SSBP3: variants seen among roughly 807,000 people sequenced by gnomAD.
The protein encoded by SSBP3 is single-stranded DNA-binding protein 3.
A neutral mutation model predicts 69.6 loss-of-function variants in SSBP3; 5 were observed. The observed-to-expected ratio is 0.07, with a 90% CI of 0.04 to 0.15. SSBP3 has a LOEUF of 0.15. Among genes scored for constraint, SSBP3 ranks in the 10% least tolerant of loss-of-function variants. The probability of loss-of-function intolerance (pLI) is 1.00; values close to 1 mark genes in which losing one functional copy is unlikely to be tolerated. For missense variants in SSBP3, 312 were observed against 534.0 expected (o/e 0.58, Z 4.10); for synonymous variants, 196 against 193.4 (o/e 1.01, Z -0.11).
chr1:54,294,909 G>A (rs1424088135), intron 4 of SSBP3, among the ~76,000 whole-genome samples: 6 of 152,012 alleles, frequency 3.9e-5, no homozygotes, highest in Admixed American at 6.6e-5. Context: ...ACCACCCTGC[G>A]ATACCTTCCT....
intron 5 of SSBP3, among the ~76,000 whole-genome samples, chr1:54,272,198 A>T (rs1436640448): frequency 2.0e-5 from 3 of 152,170 alleles, no homozygotes; most frequent in Non-Finnish European, 2.9e-5. Context: ...GAGTTAACTT[A>T]GGCAGAAACA....
intron 4 of SSBP3, among the ~76,000 whole-genome samples, chr1:54,379,642 G>C (rs766468524): frequency 1.3e-4 from 20 of 152,346 alleles, no homozygotes; most frequent in Non-Finnish European, 2.4e-4. Flanking sequence ...GGTGCGGCCA[G>C]GAGGCTGGCT....
chr1:54,227,639 G>A (rs1011074468), intron 17 of SSBP3, among the ~76,000 whole-genome samples: 5 of 152,078 alleles, frequency 3.3e-5, no homozygotes, highest in African/African-American at 9.7e-5. Flanking sequence ...GTGCAGTGGT[G>A]CGATCAAGGC....
At chr1:54,411,767 C>T (rs944829174) in intron 1 of SSBP3, among the ~76,000 whole-genome samples, 3 of 151,966 alleles carry the variant, frequency 2.0e-5, no homozygotes, top group Non-Finnish European at 4.4e-5. Context: ...TGGCGGGCGC[C>T]TGCAGTCCCA....
intron 4 of SSBP3, among the ~76,000 whole-genome samples, chr1:54,289,735 G>C (rs1266702354): frequency 2.6e-5 from 4 of 151,996 alleles, no homozygotes; most frequent in African/African-American, 9.7e-5. Context: ...ACCCTCCCTG[G>C]GCACAGGGCC....
Position 54,348,760 on chromosome 1 carries a change from T to A in SSBP3, c.276+53101A>T, listed in dbSNP as rs578217339. On this transcript the variant is annotated intron_variant, in intron 4 of 17. Transcript: ENST00000610401. ...CTCACTTCCCCACCATAGATACAGC[T>A]CAGATGGAGGCACCAATGTGCCTGG... Among the ~76,000 whole-genome samples, 92 of 152,144 alleles carry A rather than the reference T, an allele frequency of 6.0e-4. 1 individual carries two copies. Among genetic ancestry groups the A allele is most frequent in the African/African-American group, 2.0e-3 (82 of 41,514 alleles).
At chr1:54,231,191 C>A (rs1644373960) in intron 14 of SSBP3, among the ~76,000 whole-genome samples, 1 of 152,230 alleles carries the variant, frequency 6.6e-6, no homozygotes, top group Admixed American at 6.5e-5. Flanking sequence ...TGCTTCCACA[C>A]CCTCGCCAAC....
At chr1:54,269,696 A>ATCT (rs1360474530) in intron 5 of SSBP3, among the ~76,000 whole-genome samples, 4 of 152,246 alleles carry the variant, frequency 2.6e-5, no homozygotes, top group African/African-American at 9.6e-5. Flanking sequence ...GCTGCAGCCT[A>ATCT]TAGAACAATC....
At chr1:54,411,978 C>CCTCACCAGA (rs1650006276) in intron 1 of SSBP3, among the ~76,000 whole-genome samples, 1 of 152,112 alleles carries the variant, frequency 6.6e-6, no homozygotes, top group South Asian at 2.1e-4. Context: ...CCCAACTCCA[C>CCTCACCAGA]CTCACCAGAC....
At chr1:54,230,494 G>T (rs1644362486) in intron 14 of SSBP3, among the ~76,000 whole-genome samples, 1 of 152,064 alleles carries the variant, frequency 6.6e-6, no homozygotes, top group Non-Finnish European at 1.5e-5. Flanking sequence ...ACATATTATT[G>T]TATACTTTCT....
intron 4 of SSBP3, among the ~76,000 whole-genome samples, chr1:54,372,111 G>A (rs931455696): frequency 7.2e-5 from 11 of 152,274 alleles, no homozygotes; most frequent in African/African-American, 9.6e-5. Context: ...CTGGTCTCCC[G>A]AGCCTGACTC....
At chr1:54,259,899 C>T (rs879696546) in intron 5 of SSBP3, among the ~76,000 whole-genome samples, 8 of 152,244 alleles carry the variant, frequency 5.3e-5, no homozygotes, top group South Asian at 2.1e-4. Context: ...CTGCCAGCAA[C>T]GGCATGGTTT....
chr1:54,229,051 G>A (rs1644336709), intron 14 of SSBP3, among the ~76,000 whole-genome samples: 2 of 152,324 alleles, frequency 1.3e-5, no homozygotes, highest in Non-Finnish European at 2.9e-5. Flanking sequence ...CCAGGTGAGG[G>A]AGAGGGACTG....
intron 5 of SSBP3, among the ~76,000 whole-genome samples, chr1:54,277,381 C>A (rs1361251686): frequency 6.6e-6 from 1 of 152,168 alleles, no homozygotes; most frequent in Non-Finnish European, 1.5e-5. Context: ...CTTTCGGTCT[C>A]TCCCTCCTTT....
At position 54,272,491 on chromosome 1, in the gene SSBP3, A is replaced by G. The variant is rs965400841; in HGVS notation, c.366+8947T>C. Reference sequence around the variant, plus strand: ...CTAAGGAATTTGACCTTTTTTTTAAAAAAAAAAAAAGGGAGAAAAACCTCA... The same window carrying G: ...CTAAGGAATTTGACCTTTTTTTTAAGAAAAAAAAAAGGGAGAAAAACCTCA... On this transcript the variant is annotated intron_variant, in intron 5 of 17. Transcript: ENST00000610401. Among the ~76,000 whole-genome samples, 3 of 151,858 alleles carry G rather than the reference A, an allele frequency of 2.0e-5. No homozygotes were observed. The South Asian group carries it at 6.2e-4, about 32-fold the overall frequency.
At chr1:54,319,781 A>G (rs951238326) in intron 4 of SSBP3, among the ~76,000 whole-genome samples, 2 of 152,204 alleles carry the variant, frequency 1.3e-5, no homozygotes, top group African/African-American at 4.8e-5. Context: ...TCCTGAAGAA[A>G]AAGCAGCAGC....
intron 5 of SSBP3, among the ~76,000 whole-genome samples, chr1:54,281,215 G>A (rs966900418): frequency 2.6e-5 from 4 of 152,238 alleles, no homozygotes; most frequent in Admixed American, 6.5e-5. Flanking sequence ...CAGCAGAAGT[G>A]CAGGCAATGC....
exon 18 of SSBP3, chr1:54,226,646 CT>C (rs750488906): frequency 5.5e-3 from 759 of 137,562 alleles, no homozygotes; most frequent in South Asian, 0.017. Flanking sequence ...TCTGGTTTTC[CT>C]TTTTTTTTTT....
upstream of SSBP3, among the ~76,000 whole-genome samples, chr1:54,406,881 T>A (rs1649819918): frequency 2.0e-5 from 3 of 149,146 alleles, no homozygotes; most frequent in Admixed American, 2.0e-4. Context: ...CCAGCCCTTA[T>A]CTCGCCCTCC....
Sources: gnomAD v4.1 joint callset for allele counts (sites outside exome capture counted in the v4.1 genomes callset) on GRCh38, gnomAD v4.1.1 for gene constraint, MANE v1.5 for transcripts, NCBI Gene and HGNC (gene_info 2026-07-23, HGNC 2026-07-21) for gene names.